The following TNS3 variants were observed in gnomAD, a reference collection of about 807,000 sequenced individuals.
TNS3 encodes tensin 3, also known as tensin-3.
In TNS3, 45 loss-of-function variants were observed where a neutral mutation model predicts 140.9. That is an observed-to-expected ratio of 0.32 (90% CI 0.25 to 0.41). The LOEUF (loss-of-function observed/expected upper bound fraction) is 0.41. Ranked by LOEUF, TNS3 falls within the 10% of genes least tolerant of loss-of-function variation. The pLI is 1.00. For missense variants in TNS3, 1,716 were observed against 1,906.7 expected (o/e 0.90, Z 1.86); for synonymous variants, 815 against 788.4 (o/e 1.03, Z -0.56).
At chr7:47,446,585 C>T (rs1360978018) in intron 4 of TNS3, among the ~76,000 whole-genome samples, 1 of 150,990 alleles carries the variant, frequency 6.6e-6, no homozygotes. Flanking sequence ...CAGCCTTCAA[C>T]ACCCAAATAA....
intron 4 of TNS3, among the ~76,000 whole-genome samples, chr7:47,465,424 C>G (rs1203760605): frequency 6.6e-6 from 1 of 152,148 alleles, no homozygotes; most frequent in Non-Finnish European, 1.5e-5. Context: ...AGCTCTGTGC[C>G]TAAACACATC....
At chr7:47,393,186 G>A (rs1198167452) in intron 16 of TNS3, among the ~76,000 whole-genome samples, 1 of 152,154 alleles carries the variant, frequency 6.6e-6, no homozygotes, top group Non-Finnish European at 1.5e-5. Flanking sequence ...AATGACGAGT[G>A]CTTCATCTCT....
intron 1 of TNS3, among the ~76,000 whole-genome samples, chr7:47,531,912 C>T (rs1159071605): frequency 2.0e-5 from 3 of 152,218 alleles, no homozygotes; most frequent in Non-Finnish European, 2.9e-5. Flanking sequence ...CTGCAGCCAC[C>T]ATCCACGGCT....
chr7:47,578,968 C>T (rs966036224), intron 1 of TNS3, among the ~76,000 whole-genome samples: 4 of 115,944 alleles, frequency 3.4e-5, no homozygotes, highest in African/African-American at 8.3e-5. Context: ...CTTGTCTCAG[C>T]GTTTTAGGAG....
intron 10 of TNS3, among the ~76,000 whole-genome samples, chr7:47,422,349 C>G (rs534762799): frequency 6.6e-6 from 1 of 152,306 alleles, no homozygotes; most frequent in South Asian, 2.1e-4. Context: ...CATGGTGGCT[C>G]ACACGTGCAA....
At chr7:47,356,042 C>T (rs1789977272) in intron 17 of TNS3, among the ~76,000 whole-genome samples, 1 of 152,194 alleles carries the variant, frequency 6.6e-6, no homozygotes, top group Non-Finnish European at 1.5e-5. Context: ...GGGTCGCCTG[C>T]CTCTGCCTCT....
intron 9 of TNS3, 48 bp downstream of exon 9, chr7:47,428,264 G>A: frequency 7.5e-7 from 1 of 1,328,234 alleles, no homozygotes. Context: ...CCCCATGCAG[G>A]CCCAGCTTTT....
At chr7:47,349,453 G>A (rs1365619866) in intron 17 of TNS3, among the ~76,000 whole-genome samples, 4 of 152,218 alleles carry the variant, frequency 2.6e-5, no homozygotes, top group Admixed American at 1.3e-4. Flanking sequence ...ACTCAGCGAC[G>A]GAGAGCAGCT....
In TNS3 at chr7:47,360,452, C is replaced by T. The variant is rs577768195; in HGVS notation, c.2281+7913G>A. ...GCAAACAAAGAGCAAGAGTCCCTCACGGACGCATGTCCAGCGCCCGGGGCC... is the reference window on the plus strand; with the variant it reads ...GCAAACAAAGAGCAAGAGTCCCTCATGGACGCATGTCCAGCGCCCGGGGCC... On this transcript the variant is annotated intron_variant, in intron 17 of 30. Transcript: ENST00000311160. 8.5e-5 allele frequency among the ~76,000 whole-genome samples: 13 copies of T among 152,340 alleles called. No individual in the cohort carries two copies. The South Asian group carries it at 1.0e-3, about 12-fold the overall frequency.
intron 10 of TNS3, among the ~76,000 whole-genome samples, chr7:47,422,481 T>A (rs577646114): frequency 6.6e-6 from 1 of 152,212 alleles, no homozygotes; most frequent in East Asian, 1.9e-4. Context: ...AGCATGGTGA[T>A]GTGCGCCTAT....
chr7:47,582,361 A>T (rs1584875577), upstream of TNS3: 2 of 453,234 alleles, frequency 4.4e-6, no homozygotes, highest in East Asian at 7.0e-5. Context: ...TATCAGACCC[A>T]TTGAGCAGCC....
chr7:47,404,936 C>T (rs1315980787), intron 13 of TNS3, among the ~76,000 whole-genome samples: 1 of 152,128 alleles, frequency 6.6e-6, no homozygotes, highest in Non-Finnish European at 1.5e-5. Context: ...CTTGACTGGA[C>T]TGGACAAGTT....
rs146928044 is a variant in TNS3, at chr7:47,390,289, C to T, written c.1024+6511G>A. Among the ~76,000 whole-genome samples the T allele has an allele frequency of 2.8e-4, 42 of 152,326 alleles. No individual in the cohort carries two copies. In the East Asian group the frequency reaches 7.7e-3, roughly 28 times the overall value. ...TGTCTGGGGAGGAAAGTTTTCAAAT[C>T]CATTTTCAAAGTGGCAATACTTGAA... On this transcript the variant is annotated intron_variant, in intron 16 of 30. Transcript: ENST00000311160.
At chr7:47,283,995 G>A (rs1584308951) in intron 27 of TNS3, 130 bp from the exon 28 acceptor site, 1 of 760,154 alleles carries the variant, frequency 1.3e-6, no homozygotes, top group Non-Finnish European at 1.9e-6. Context: ...TATGCTGGGT[G>A]CATGTAAGGC....
chr7:47,481,656 G>GTTA (rs1250885758), intron 3 of TNS3: 9 of 985,184 alleles, frequency 9.1e-6, no homozygotes, highest in African/African-American at 1.7e-5. Context: ...TGTCAACCTG[G>GTTA]TTATTCCATT....
chr7:47,439,615 C>A lies in TNS3; in HGVS notation c.22G>T (p.Asp8Tyr). 6.2e-7 allele frequency: 1 copy of A among 1,614,034 alleles called. No homozygotes were observed. Among genetic ancestry groups the A allele is most frequent in the South Asian group, 1.1e-5 (1 of 91,038 alleles). The change falls in exon 6 of 31, where the codon GAC (aspartate) becomes TAC (tyrosine). Residue 8 changes from aspartate (D) to tyrosine (Y), a missense_variant. Physicochemically the swap from Asp to Tyr is radical, Grantham distance 160 (BLOSUM62 -3). This residue lies in a region of TNS3 where 337 missense variants were observed against 428.9 expected (regional missense o/e 0.79). Coordinates refer to ENST00000311160, the MANE Select transcript of TNS3 (RefSeq NM_022748.12). MEEGHGL[D>Y]LTYITERIIA... ...ATGCGCTCCGTGATGTAAGTGAGGTCCAGCCCATGGCCCTCCTCCATGGTG... is the reference window on the plus strand; with the variant it reads ...ATGCGCTCCGTGATGTAAGTGAGGTACAGCCCATGGCCCTCCTCCATGGTG...
chr7:47,319,290 C>T (rs1374234794), intron 20 of TNS3, among the ~76,000 whole-genome samples: 3 of 152,186 alleles, frequency 2.0e-5, no homozygotes, highest in Non-Finnish European at 4.4e-5. Flanking sequence ...TCACCCTGGC[C>T]TAACCACCCC....
intron 4 of TNS3, among the ~76,000 whole-genome samples, chr7:47,449,657 G>C (rs1795923048): frequency 6.6e-6 from 1 of 152,162 alleles, no homozygotes; most frequent in East Asian, 1.9e-4. Flanking sequence ...GCCCAGGCTG[G>C]AGTGCAGTGG....
intron 23 of TNS3, among the ~76,000 whole-genome samples, chr7:47,298,561 G>C (rs890000461): frequency 1.3e-5 from 2 of 152,206 alleles, no homozygotes; most frequent in South Asian, 4.1e-4. Flanking sequence ...TGGGGATTTA[G>C]AGTATAAAGT....
Sources: gnomAD v4.1 joint callset for allele counts (sites outside exome capture counted in the v4.1 genomes callset) on GRCh38, gnomAD v4.1.1 for gene constraint, gnomAD v4.1.1 regional missense constraint, MANE v1.5 for transcripts, NCBI Gene and HGNC (gene_info 2026-07-23, HGNC 2026-07-21) for gene names.